ZDHHC9: variants seen among roughly 807,000 people sequenced by gnomAD.
ZDHHC9 encodes zDHHC palmitoyltransferase 9, also known as palmitoyltransferase ZDHHC9.
A neutral mutation model predicts 26.6 loss-of-function variants in ZDHHC9; 3 were observed. The observed-to-expected ratio is 0.11, with a 90% confidence interval of 0.05 to 0.29. ZDHHC9 has a LOEUF of 0.29. Ranked by LOEUF, ZDHHC9 falls within the 10% of genes least tolerant of loss-of-function variation. The pLI is 1.00. For missense variants in ZDHHC9, 146 were observed against 296.4 expected (o/e 0.49, Z 3.73); for synonymous variants, 111 against 109.4 (o/e 1.01, Z -0.09).
chrX:129,828,846 T>TGATCTCAGATTCAG, intron 4 of ZDHHC9, 135 bp downstream of exon 4: 1 of 876,750 alleles, frequency 1.1e-6, no homozygotes. Flanking sequence ...GGGGTAGTCA[T>TGATCTCAGATTCAG]GATCTCAGAT....
intron 3 of ZDHHC9, among the ~76,000 whole-genome samples, chrX:129,840,177 C>G (rs764751596): frequency 2.1e-3 from 233 of 109,824 alleles, no homozygotes; most frequent in Non-Finnish European, 2.9e-3. Flanking sequence ...TCAAGTACCC[C>G]TGGCCAGTCA....
chrX:129,824,425 G>T lies in ZDHHC9; in HGVS notation c.329-588C>A, dbSNP rs189548371. ...CTGTCTCAGCCTCCTGAGTAGCTGG[G>T]ATTACAGGGGCCCACCACCATGCCT... On this transcript the variant is annotated intron_variant, in intron 4 of 10. Coordinates refer to ENST00000357166, the MANE Select transcript of ZDHHC9 (RefSeq NM_016032.4). 2.7e-5 allele frequency among the ~76,000 whole-genome samples: 3 copies of T among 111,078 alleles called. No individual in the cohort carries two copies. The East Asian group carries it at 8.4e-4, about 31-fold the overall frequency.
At chrX:129,830,749 G>A (rs1031739177) in intron 3 of ZDHHC9, among the ~76,000 whole-genome samples, 1 of 111,337 alleles carries the variant, frequency 9.0e-6, no homozygotes, top group Non-Finnish European at 1.9e-5. Context: ...CAAAGCAAAC[G>A]TTTAACTCCT....
chrX:129,811,033 G>T, intron 9 of ZDHHC9, 32 bp from the exon 10 acceptor site: 1 of 1,146,730 alleles, frequency 8.7e-7, no homozygotes, highest in Non-Finnish European at 1.2e-6. Flanking sequence ...ACAAAGAACT[G>T]GGCATTCACC....
chrX:129,803,534 G>A lies in ZDHHC9; in HGVS notation c.*2836C>T, dbSNP rs1298953657. The A allele has an allele frequency of 4.5e-5, 5 of 112,221 alleles. No individual in the cohort carries two copies. The highest frequency in any genetic ancestry group is 1.6e-4 in the African/African-American group (5 of 30,892). 9.2% of individuals were successfully genotyped at this position (112,221 alleles called of 1,213,427 possible). A position where few individuals can be genotyped will look rare whatever the true frequency, so the allele number is the denominator to read the frequency against. ...CAAAGTAAAGAGATTTGGTCAGTAG[G>A]AACGGGTGCTTTATGGGTAAAGGCA... On this transcript the variant is annotated 3_prime_UTR_variant, in exon 11 of 11. Coordinates refer to ENST00000357166, the MANE Select transcript of ZDHHC9 (RefSeq NM_016032.4).
At chrX:129,836,328 G>T (rs1043262939) in intron 3 of ZDHHC9, among the ~76,000 whole-genome samples, 1 of 110,979 alleles carries the variant, frequency 9.0e-6, no homozygotes, top group African/African-American at 3.3e-5. Flanking sequence ...TTGTTGCCCA[G>T]GCTGGAGTGC....
In ZDHHC9 at chrX:129,805,334, T is replaced by TTC. The variant is rs1374658158; in HGVS notation, c.*1035_*1036insGA. On this transcript the variant is annotated 3_prime_UTR_variant, in exon 11 of 11. Coordinates refer to ENST00000357166, the MANE Select transcript of ZDHHC9 (RefSeq NM_016032.4). ...AATGGAAGAACTGGTTAGCATTTTT[T>TTC]TTTTTTTGAGGGTACATCGGGGGAG... 1 of 111,667 alleles carries TTC rather than the reference T, an allele frequency of 9.0e-6. No individual in the cohort carries two copies. The highest frequency in any genetic ancestry group is 2.8e-4 in the East Asian group (1 of 3,542). 9.2% of individuals were successfully genotyped at this position (111,667 alleles called of 1,213,427 possible). A position where few individuals can be genotyped will look rare whatever the true frequency, so the allele number is the denominator to read the frequency against.
rs1476087163 is a variant in ZDHHC9 at position 129,838,350 on chromosome X, C to T, written c.167+3429G>A. 6.3e-5 allele frequency among the ~76,000 whole-genome samples: 7 copies of T among 111,327 alleles called. No individual in the cohort carries two copies. The Admixed American group carries it at 6.7e-4, about 11-fold the overall frequency. On this transcript the variant is annotated intron_variant, in intron 3 of 10. Coordinates refer to ENST00000357166, the MANE Select transcript of ZDHHC9 (RefSeq NM_016032.4). ...AAATTTCTACTCGGTGACAGCGGCCCGAGAGAGACCCCCCGGCTTCTTCAG... is the reference window on the plus strand; with the variant it reads ...AAATTTCTACTCGGTGACAGCGGCCTGAGAGAGACCCCCCGGCTTCTTCAG...
intron 4 of ZDHHC9, 135 bp downstream of exon 4, chrX:129,828,846 T>C (rs1015747514): frequency 1.1e-6 from 1 of 876,750 alleles, no homozygotes; most frequent in Non-Finnish European, 1.7e-6. Context: ...GGGGTAGTCA[T>C]GATCTCAGAT....
At chrX:129,833,222 T>A (rs911419161) in intron 3 of ZDHHC9, among the ~76,000 whole-genome samples, 6 of 111,574 alleles carry the variant, frequency 5.4e-5, no homozygotes, top group Non-Finnish European at 1.1e-4. Context: ...GACATCATCA[T>A]TTTAAACCAT....
intron 5 of ZDHHC9, among the ~76,000 whole-genome samples, chrX:129,817,593 T>C (rs1927785852): frequency 8.9e-6 from 1 of 111,763 alleles, no homozygotes; most frequent in South Asian, 3.7e-4. Flanking sequence ...CTTTCATTAC[T>C]CCAAACAGAA....
In ZDHHC9 at chrX:129,805,778, A is replaced by ATT; in HGVS notation, c.*591_*592insAA. 2 of 115,791 alleles carry ATT rather than the reference A, an allele frequency of 1.7e-5. No individual in the cohort carries two copies. The highest frequency in any genetic ancestry group is 3.7e-5 in the Non-Finnish European group (2 of 54,719). The allele number at this position is 115,791 out of a possible 1,213,427, so 9.5% of individuals were successfully genotyped here. A position where few individuals can be genotyped will look rare whatever the true frequency, so the allele number is the denominator to read the frequency against. ...TTAGGTGTCAGAGTGGATGGGAGAC[A>ATT]AAGGAGAAGCTACACTAATAAATAC... On this transcript the variant is annotated 3_prime_UTR_variant, in exon 11 of 11. Coordinates refer to ENST00000357166, the MANE Select transcript of ZDHHC9 (RefSeq NM_016032.4).
chrX:129,832,722 G>A (rs1928170275), intron 3 of ZDHHC9, among the ~76,000 whole-genome samples: 1 of 110,781 alleles, frequency 9.0e-6, no homozygotes, highest in Non-Finnish European at 1.9e-5. Context: ...GGTGGAGCTT[G>A]CAGTGAGCGG....
chrX:129,835,732 G>A (rs373374234), intron 3 of ZDHHC9, among the ~76,000 whole-genome samples: 2 of 109,980 alleles, frequency 1.8e-5, no homozygotes, highest in Non-Finnish European at 3.8e-5. Context: ...GCAGTGAGCC[G>A]AGATTGTGCC....
chrX:129,811,578 A>T, intron 8 of ZDHHC9, 69 bp from the exon 9 acceptor site: 1 of 841,660 alleles, frequency 1.2e-6, no homozygotes, highest in South Asian at 2.4e-5. Context: ...TAATAAAATT[A>T]AAAACAGACA....
chrX:129,828,651 G>A (rs1237720923), intron 4 of ZDHHC9, among the ~76,000 whole-genome samples: 1 of 110,332 alleles, frequency 9.1e-6, no homozygotes, highest in Admixed American at 9.7e-5. Context: ...TAATAAATCT[G>A]TGCTTTCATT....
rs986808084 is a variant in ZDHHC9, at chrX:129,803,294, GAAAC to G, written c.*3072_*3075del. ...TAAAGAAATGAGGCAGAAGCACAAAGAAACAGACAGCCCTGTATTTCTAAAACCA... is the reference window on the plus strand; with the variant it reads ...TAAAGAAATGAGGCAGAAGCACAAAGAGACAGCCCTGTATTTCTAAAACCA... On this transcript the variant is annotated 3_prime_UTR_variant, in exon 11 of 11. Transcript: ENST00000357166. 1 of 111,668 alleles carries G rather than the reference GAAAC, an allele frequency of 9.0e-6. No individual in the cohort carries two copies. The highest frequency in any genetic ancestry group is 3.3e-5 in the African/African-American group (1 of 30,692). The allele number at this position is 111,668 out of a possible 1,213,427, so 9.2% of individuals were successfully genotyped here.
chrX:129,811,916 AT>A (rs1927650741), intron 8 of ZDHHC9, among the ~76,000 whole-genome samples: 1 of 111,909 alleles, frequency 8.9e-6, no homozygotes, highest in Non-Finnish European at 1.9e-5. Flanking sequence ...AAAGTACATA[AT>A]ATAAACACAT....
chrX:129,814,889 T>A, intron 5 of ZDHHC9, 94 bp from the exon 6 acceptor site: 2 of 948,851 alleles, frequency 2.1e-6, no homozygotes, highest in Non-Finnish European at 3.0e-6. Flanking sequence ...ACCTCCAGGA[T>A]CATTGTCTAT....
Sources: allele counts gnomAD v4.1 joint callset (sites outside exome capture counted in the v4.1 genomes callset), GRCh38; gene constraint gnomAD v4.1.1; transcripts MANE v1.5; gene names NCBI Gene and HGNC (gene_info 2026-07-23, HGNC 2026-07-21).